POLR1A: variants seen among roughly 807,000 people sequenced by gnomAD.
POLR1A encodes DNA-directed RNA polymerase I subunit RPA1.
POLR1A carries 84 observed loss-of-function variants against 205.3 expected under a neutral mutation model. The observed-to-expected ratio is 0.41, with a 90% confidence interval of 0.34 to 0.49. POLR1A has a LOEUF of 0.49. POLR1A is among the 20% of genes least tolerant of loss of function. POLR1A has a pLI of 0.22. For synonymous variants in POLR1A, 799 were observed against 863.7 expected, an observed-to-expected ratio of 0.93 and a Z score of 1.31; for missense variants, 1,645 against 2,204.5, an observed-to-expected ratio of 0.75 and a Z score of 5.08.
chr2:86,024,329 G>A lies in POLR1A; in HGVS notation c.*3094C>T, dbSNP rs574112129. ...GAAGTCAAATTCGTAGAGACAGAAC[G>A]TAGAACAGTGGTTGCCAGGGGCTGG... On this transcript the variant is annotated 3_prime_UTR_variant, in exon 34 of 34. Coordinates refer to ENST00000263857, the MANE Select transcript of POLR1A (RefSeq NM_015425.6). The A allele has an allele frequency of 2.6e-4, 43 of 164,812 alleles. No homozygotes were observed. The highest frequency in any genetic ancestry group is 8.3e-4 in the African/African-American group (35 of 42,118). 10.2% of individuals were successfully genotyped at this position (164,812 alleles called of 1,614,324 possible). A position where few individuals can be genotyped will look rare whatever the true frequency, so the allele number is the denominator to read the frequency against.
chr2:86,040,460 G>C lies in POLR1A; in HGVS notation c.3672C>G (p.Thr1224=). ...AGTGGAAGGTGTTGAGGGTCATCTG[G>C]GTGGAGGGCTCTCCGATGCTCTGGG... ...LAAQSIGEPS[T]QMTLNTFHFA... is the part of the protein sequence containing the mutation. The change falls in exon 25 of 34, where the codon ACC becomes ACG. Residue 1224 remains threonine (T), a synonymous_variant. Transcript: ENST00000263857. 6.2e-7 allele frequency: 1 copy of C among 1,613,666 alleles called. No homozygotes were observed. The highest frequency in any genetic ancestry group is 8.5e-7 in the Non-Finnish European group (1 of 1,179,822).
Position 86,100,457 on chromosome 2 carries a change from G to A in POLR1A, c.78-285C>T, listed in dbSNP as rs187966465. On this transcript the variant is annotated intron_variant, in intron 1 of 33. Transcript: ENST00000263857. ...AGATTTAGAACAAAACTTGCACTAA[G>A]TACACTGGTAAACTGTTCATAAAAA... 4.6e-5 allele frequency among the ~76,000 whole-genome samples: 7 copies of A among 151,838 alleles called. No homozygotes were observed. In the East Asian group the frequency reaches 1.2e-3, roughly 25 times the overall value.
intron 1 of POLR1A, among the ~76,000 whole-genome samples, chr2:86,101,455 C>G (rs952514928): frequency 6.6e-6 from 1 of 152,190 alleles, no homozygotes; most frequent in African/African-American, 2.4e-5. Context: ...GGAGGCAGAT[C>G]TGCTGCTGTG....
intron 6 of POLR1A, among the ~76,000 whole-genome samples, chr2:86,086,193 G>C (rs1673501582): frequency 6.6e-6 from 1 of 152,296 alleles, no homozygotes; most frequent in South Asian, 2.1e-4. Flanking sequence ...TGAGTAGCTG[G>C]GATTACAGGC....
chr2:86,045,180 T>C, intron 21 of POLR1A, 98 bp downstream of exon 21: 1 of 828,200 alleles, frequency 1.2e-6, no homozygotes. Flanking sequence ...AGTTTTTTCA[T>C]CCAAGGAATC....
At chr2:86,054,001 C>T (rs749241231) in intron 15 of POLR1A, 139 bp downstream of exon 15, 2 of 774,192 alleles carry the variant, frequency 2.6e-6, no homozygotes, top group Non-Finnish European at 4.1e-6. Flanking sequence ...AAGCTGACAA[C>T]AACTCAGGCA....
chr2:86,055,110 C>T (rs563818497), intron 14 of POLR1A, among the ~76,000 whole-genome samples: 1 of 152,354 alleles, frequency 6.6e-6, no homozygotes, highest in African/African-American at 2.4e-5. Context: ...TCCTGGCCAA[C>T]ATGGTGAAAC....
At chr2:86,092,031 G>T (rs565070280) in intron 3 of POLR1A, among the ~76,000 whole-genome samples, 27 of 152,074 alleles carry the variant, frequency 1.8e-4, no homozygotes, top group African/African-American at 6.0e-4. Flanking sequence ...CAGGAGAATC[G>T]CTTTAGCCTG....
At chr2:86,030,473 A>C in intron 30 of POLR1A, 77 bp from the exon 31 acceptor site, 2 of 1,092,684 alleles carry the variant, frequency 1.8e-6, no homozygotes, top group Non-Finnish European at 2.8e-6. Context: ...AGACTCCTTC[A>C]AAACCTTTTC....
At position 86,045,762 on chromosome 2, in the gene POLR1A, C is replaced by T. The variant is rs777984680; in HGVS notation, c.2741G>A (p.Cys914Tyr). ...GSTVNTMQIS[C>Y]LLGQIELEGR... ...TTCCAGTTCAATCTGGCCCAGCAGG[C>T]ACGAGATCTGGAGGACAGGAAATCC... Residue 914 changes from cysteine to tyrosine, a missense_variant, in exon 20 of 34, where the codon TGC (cysteine) becomes TAC (tyrosine). This residue lies in a region of POLR1A where 339 missense variants were observed against 415.1 expected (regional missense o/e 0.82). Transcript: ENST00000263857. 6.2e-7 allele frequency: 1 copy of T among 1,605,696 alleles called. No homozygotes were observed. Among genetic ancestry groups the T allele is most frequent in the Admixed American group, 1.8e-5 (1 of 56,976 alleles).
intron 4 of POLR1A, among the ~76,000 whole-genome samples, chr2:86,089,173 A>G (rs528765023): frequency 6.6e-6 from 1 of 152,352 alleles, no homozygotes; most frequent in East Asian, 1.9e-4. Context: ...CCAGTACTCA[A>G]TAAGTGCTAG....
intron 11 of POLR1A, among the ~76,000 whole-genome samples, chr2:86,076,596 G>A (rs181619165): frequency 7.9e-5 from 12 of 152,290 alleles, no homozygotes; most frequent in Admixed American, 2.0e-4. Flanking sequence ...GAATACCTAC[G>A]CCCCAGGCCA....
chr2:86,027,417 T>C lies in POLR1A; in HGVS notation c.*6A>G. ...TGGAGCTGGGCAGATGGTGCCGGGG[T>C]AGCTGCTATCTCAGAGGCTGCTTGA... On this transcript the variant is annotated 3_prime_UTR_variant, in exon 34 of 34. Transcript: ENST00000263857. 6.2e-7 allele frequency: 1 copy of C among 1,612,146 alleles called. No individual in the cohort carries two copies. Among genetic ancestry groups the C allele is most frequent in the African/African-American group, 1.3e-5 (1 of 74,992 alleles).
intron 14 of POLR1A, among the ~76,000 whole-genome samples, chr2:86,057,224 A>G (rs1463887184): frequency 1.3e-5 from 2 of 152,218 alleles, no homozygotes; most frequent in East Asian, 3.8e-4. Context: ...CAGAGGGTCA[A>G]GACTTCAGTG....
At chr2:86,102,669 T>A (rs115301284) in intron 1 of POLR1A, among the ~76,000 whole-genome samples, 1 of 152,218 alleles carries the variant, frequency 6.6e-6, no homozygotes, top group African/African-American at 2.4e-5. Flanking sequence ...GATTAGAAGA[T>A]AACATACAGA....
chr2:86,092,434 C>T (rs1673623559), intron 3 of POLR1A, among the ~76,000 whole-genome samples: 1 of 152,268 alleles, frequency 6.6e-6, no homozygotes, highest in African/African-American at 2.4e-5. Context: ...CCAAAGACAA[C>T]TAGTCCCTGT....
At chr2:86,053,081 C>A (rs1672834897) in intron 15 of POLR1A, 81 bp from the exon 16 acceptor site, 1 of 1,083,968 alleles carries the variant, frequency 9.2e-7, no homozygotes, top group Non-Finnish European at 1.3e-6. Context: ...CCATGTGTGA[C>A]CCTCGTTGTG....
At position 86,084,606 on chromosome 2, in the gene POLR1A, G is replaced by T. The variant is rs545845473; in HGVS notation, c.731-1438C>A. On this transcript the variant is annotated intron_variant, in intron 6 of 33. Coordinates refer to ENST00000263857, the MANE Select transcript of POLR1A (RefSeq NM_015425.6). ...GCAAATTCTAAGTTAAGAGTATACG[G>T]CTCAAATATAAAATAGCCTAAGATA... Among the ~76,000 whole-genome samples, 10 of 151,568 alleles carry T rather than the reference G, an allele frequency of 6.6e-5. No individual in the cohort carries two copies. In the South Asian group the frequency reaches 1.9e-3, roughly 28 times the overall value.
intron 26 of POLR1A, 28 bp from the exon 27 acceptor site, chr2:86,038,885 G>T: frequency 6.2e-7 from 1 of 1,611,552 alleles, no homozygotes; most frequent in South Asian, 1.1e-5. Context: ...GAGAGAACTT[G>T]ACTTGTTCAG....
Sources: allele counts gnomAD v4.1 joint callset (sites outside exome capture counted in the v4.1 genomes callset), GRCh38; gene constraint gnomAD v4.1.1; regional missense constraint gnomAD v4.1.1; transcripts MANE v1.5; gene names NCBI Gene and HGNC (gene_info 2026-07-23, HGNC 2026-07-21).